Variants in RELCH observed in about 807,000 individuals in gnomAD.
RELCH encodes the protein RAB11-binding protein RELCH.
A neutral mutation model predicts 150.3 loss-of-function variants in RELCH; 41 were observed. The observed-to-expected ratio is 0.27, with a 90% confidence interval of 0.21 to 0.35. The LOEUF is 0.35. Ranked by LOEUF, RELCH falls within the 10% of genes least tolerant of loss-of-function variation. The probability of loss-of-function intolerance (pLI) is 1.00; values close to 1 mark genes in which losing one functional copy is unlikely to be tolerated. For missense variants in RELCH, 1,092 were observed against 1,467.8 expected (o/e 0.74, Z 4.18); for synonymous variants, 478 against 531.8 (o/e 0.90, Z 1.39).
intron 5 of RELCH, among the ~76,000 whole-genome samples, chr18:62,226,045 C>T (rs560861689): frequency 4.0e-4 from 61 of 151,994 alleles, no homozygotes; most frequent in Non-Finnish European, 7.8e-4. Context: ...ATATCTACCT[C>T]GATTTAGTCC....
chr18:62,207,521 T>C (rs1286856255), intron 1 of RELCH, among the ~76,000 whole-genome samples: 1 of 152,222 alleles, frequency 6.6e-6, no homozygotes, highest in Non-Finnish European at 1.5e-5. Flanking sequence ...GGAAGTAGAA[T>C]TACTGTCCTA....
At position 62,228,533 on chromosome 18, in the gene RELCH, A is replaced by G; in HGVS notation, c.1383A>G (p.Glu461=). 1 of 1,613,130 alleles carries G rather than the reference A, an allele frequency of 6.2e-7. No individual in the cohort carries two copies. Among genetic ancestry groups the G allele is most frequent in the Non-Finnish European group, 8.5e-7 (1 of 1,179,500 alleles). The change falls in exon 8 of 29, where the codon GAA becomes GAG. Residue 461 remains glutamate, a synonymous_variant. Transcript: ENST00000644646. ...ENSPNSFPRR[E]REGMPPSSLS... is the part of the protein sequence containing the mutation. ...CCCCAAATTCATTCCCCAGGAGAGA[A>G]AGAGAAGGAATGCCACCTTCTTCTC...
In RELCH at chr18:62,276,899, T is replaced by C. The variant is rs1159059349; in HGVS notation, c.2967+1426T>C. Among the ~76,000 whole-genome samples the C allele has an allele frequency of 2.6e-5, 4 of 152,218 alleles. No individual in the cohort carries two copies. The East Asian group carries it at 7.7e-4, about 29-fold the overall frequency. On this transcript the variant is annotated intron_variant, in intron 22 of 28. Coordinates refer to ENST00000644646, the MANE Select transcript of RELCH (RefSeq NM_001346231.2). ...CCTTCTGGATATAAATCGTTTTGAT[T>C]ATTCGATATGCTGAAAAGGGGGCAT...
intron 1 of RELCH, among the ~76,000 whole-genome samples, chr18:62,198,801 A>T (rs1388718627): frequency 6.6e-6 from 1 of 152,096 alleles, no homozygotes; most frequent in Non-Finnish European, 1.5e-5. Flanking sequence ...GTAGCAAAAA[A>T]ATATATATTA....
chr18:62,198,580 T>TTTAG (rs2039206347), intron 1 of RELCH, among the ~76,000 whole-genome samples: 1 of 152,194 alleles, frequency 6.6e-6, no homozygotes, highest in Non-Finnish European at 1.5e-5. Context: ...TATCAGTGTG[T>TTTAG]GCTTGTGAGC....
rs188102675 is a variant in RELCH, at chr18:62,216,548, C to T, written c.617-4489C>T. On this transcript the variant is annotated intron_variant, in intron 2 of 28. Transcript: ENST00000644646. ...ATGCTGGTAAGATCAGTTAATGTTT[C>T]AGATTTATCACATGTCACATCAAGT... is the stretch of plus-strand genomic sequence containing the variant. Among the ~76,000 whole-genome samples, 8 of 151,974 alleles carry T rather than the reference C, an allele frequency of 5.3e-5. No homozygotes were observed. The East Asian group carries it at 1.5e-3, about 29-fold the overall frequency.
intron 10 of RELCH, among the ~76,000 whole-genome samples, chr18:62,242,060 T>TG (rs2042175610): frequency 6.6e-6 from 1 of 152,166 alleles, no homozygotes; most frequent in Non-Finnish European, 1.5e-5. Context: ...CCTCACTTAC[T>TG]GGACCTCTTC....
At chr18:62,193,928 T>C (rs1450389255) in intron 1 of RELCH, among the ~76,000 whole-genome samples, 2 of 152,110 alleles carry the variant, frequency 1.3e-5, no homozygotes, top group Non-Finnish European at 2.9e-5. Flanking sequence ...TTTCTTCCAG[T>C]CTGATTTCCC....
intron 11 of RELCH, among the ~76,000 whole-genome samples, chr18:62,249,338 T>C (rs1271524940): frequency 2.0e-5 from 3 of 152,174 alleles, no homozygotes; most frequent in Non-Finnish European, 4.4e-5. Flanking sequence ...TATCAAAATA[T>C]ACCTGACCAA....
At chr18:62,211,754 T>C (rs1439574032) in intron 2 of RELCH, among the ~76,000 whole-genome samples, 1 of 151,130 alleles carries the variant, frequency 6.6e-6, no homozygotes, top group East Asian at 1.9e-4. Flanking sequence ...TGACACTTAA[T>C]CTCTTAAATT....
intron 10 of RELCH, among the ~76,000 whole-genome samples, chr18:62,242,104 T>C (rs568846065): frequency 1.2e-3 from 188 of 152,216 alleles, no homozygotes; most frequent in African/African-American, 4.4e-3. Flanking sequence ...GAAGAAGCCA[T>C]CCGGCATCCT....
intron 11 of RELCH, among the ~76,000 whole-genome samples, chr18:62,249,682 G>A (rs2066011385): frequency 6.6e-6 from 1 of 151,626 alleles, no homozygotes; most frequent in Admixed American, 6.6e-5. Flanking sequence ...CCACCTGGTG[G>A]CCAAAAGTAC....
chr18:62,289,187 T>C (rs1332041852), intron 26 of RELCH, among the ~76,000 whole-genome samples: 1 of 152,120 alleles, frequency 6.6e-6, no homozygotes, highest in Non-Finnish European at 1.5e-5. Flanking sequence ...AAAGGCGACA[T>C]ACCAATATGG....
Position 62,298,870 on chromosome 18 carries a change from T to G in RELCH, c.3530+10T>G. The stretch of plus-strand genomic sequence containing the variant: ...TCCAAGAGCCTCAAGGGTAAGACAT[T>G]AATTCTTTTTTTAAGGCTACATGTT... On this transcript the variant is annotated intron_variant, in intron 28 of 28. Coordinates refer to ENST00000644646, the MANE Select transcript of RELCH (RefSeq NM_001346231.2). The G allele has an allele frequency of 6.7e-7, 1 of 1,494,082 alleles. No homozygotes were observed. The allele number at this position is 1,494,082 out of a possible 1,614,324, so 92.6% of individuals were successfully genotyped here.
chr18:62,239,954 A>T (rs968555567), intron 10 of RELCH, among the ~76,000 whole-genome samples: 1 of 151,890 alleles, frequency 6.6e-6, no homozygotes, highest in African/African-American at 2.4e-5. Flanking sequence ...ATTATATCCA[A>T]ATGTAATATA....
intron 24 of RELCH, 62 bp downstream of exon 24, chr18:62,280,771 C>A (rs1381157348): frequency 1.2e-5 from 13 of 1,125,680 alleles, no homozygotes; most frequent in Non-Finnish European, 1.5e-5. Context: ...ATACATGTAT[C>A]TGGTGGTAGG....
At chr18:62,232,867 T>G (rs1308445895) in intron 10 of RELCH, among the ~76,000 whole-genome samples, 1 of 152,084 alleles carries the variant, frequency 6.6e-6, no homozygotes, top group African/African-American at 2.4e-5. Flanking sequence ...TAGTCATAAA[T>G]GTACTTGTAG....
chr18:62,261,481 A>G (rs1355364228), intron 15 of RELCH, 30 bp from the exon 16 acceptor site: 2 of 1,603,858 alleles, frequency 1.2e-6, no homozygotes, highest in East Asian at 2.2e-5. Flanking sequence ...TCAAAAGACT[A>G]AAATTAGCTT....
chr18:62,302,398 G>A (rs566618239), intron 28 of RELCH, among the ~76,000 whole-genome samples: 3 of 152,312 alleles, frequency 2.0e-5, no homozygotes, highest in South Asian at 2.1e-4. Flanking sequence ...GCTCTGATGG[G>A]GAGAAGGTGA....
Sources: allele counts gnomAD v4.1 joint callset (sites outside exome capture counted in the v4.1 genomes callset), GRCh38; gene constraint gnomAD v4.1.1; transcripts MANE v1.5; gene names NCBI Gene and HGNC (gene_info 2026-07-23, HGNC 2026-07-21).